The following SNTG1 variants were observed in gnomAD, a reference collection of about 807,000 sequenced individuals.
SNTG1 encodes the protein gamma-1-syntrophin.
SNTG1 carries 39 observed loss-of-function variants against 74.7 expected under a neutral mutation model. That is an observed-to-expected ratio of 0.52 (90% confidence interval 0.40 to 0.68). The LOEUF (loss-of-function observed/expected upper bound fraction) is 0.68. Among genes scored for constraint, SNTG1 ranks in the 30% least tolerant of loss-of-function variants. The pLI, the probability that SNTG1 is intolerant of heterozygous loss-of-function variation, is 0.00. For missense variants in SNTG1, 685 were observed against 609.5 expected (o/e 1.12, Z -1.30); for synonymous variants, 254 against 217.1 (o/e 1.17, Z -1.49).
At position 50,381,598 on chromosome 8, in the gene SNTG1, A is replaced by G. The variant is rs1434591928; in HGVS notation, c.-27-12614A>G. Among the ~76,000 whole-genome samples the G allele has an allele frequency of 3.7e-3, 498 of 134,814 alleles. 8 individuals are homozygous for G. The highest frequency in any genetic ancestry group is 0.011 in the African/African-American group (394 of 37,080). The allele number at this position is 134,814 out of a possible 152,430, so 88.4% of individuals were successfully genotyped here. On this transcript the variant is annotated intron_variant, in intron 2 of 18. Coordinates refer to ENST00000642720, the MANE Select transcript of SNTG1 (RefSeq NM_018967.5). ...TGTGTGTGTGTGTGTGTGTGTATAT[A>G]TATATATATCTCCTATTAGTTATAT...
intron 1 of SNTG1, among the ~76,000 whole-genome samples, chr8:50,122,332 T>G (rs1341632235): frequency 2.1e-5 from 3 of 141,790 alleles, no homozygotes; most frequent in African/African-American, 7.7e-5. Flanking sequence ...CTTATGCACT[T>G]GGAGAGGGGA....
intron 8 of SNTG1, among the ~76,000 whole-genome samples, chr8:50,486,000 T>G (rs1168665465): frequency 6.6e-6 from 1 of 152,124 alleles, no homozygotes; most frequent in African/African-American, 2.4e-5. Flanking sequence ...GCGTTATTTC[T>G]GAGGGCTCTG....
Position 50,121,802 on chromosome 8 carries a change from A to G in SNTG1, c.-102-50759A>G, listed in dbSNP as rs760342794. 1.3e-4 allele frequency among the ~76,000 whole-genome samples: 18 copies of G among 142,392 alleles called. 3 individuals are homozygous for G. Among genetic ancestry groups the G allele is most frequent in the Non-Finnish European group, 2.2e-4 (14 of 63,918 alleles). 93.4% of individuals were successfully genotyped at this position (142,392 alleles called of 152,430 possible). On this transcript the variant is annotated intron_variant, in intron 1 of 18. Transcript: ENST00000642720. ...TTGGAGCCCAGGACTTCAAGGCCTC[A>G]TTGAGTTATGATAGCACCACTGCAC...
intron 18 of SNTG1, among the ~76,000 whole-genome samples, chr8:50,791,454 G>A (rs535707711): frequency 1.3e-5 from 2 of 151,696 alleles, no homozygotes; most frequent in South Asian, 4.2e-4. Context: ...TATATTATAG[G>A]GACACCTGAA....
chr8:50,728,198 G>A (rs141679917), intron 17 of SNTG1, among the ~76,000 whole-genome samples: 12 of 152,224 alleles, frequency 7.9e-5, no homozygotes, highest in African/African-American at 1.9e-4. Flanking sequence ...CACCTTGGGG[G>A]TGGTGTCCCC....
chr8:50,222,464 C>T (rs1464678371), intron 2 of SNTG1, among the ~76,000 whole-genome samples: 2 of 152,202 alleles, frequency 1.3e-5, no homozygotes, highest in African/African-American at 2.4e-5. Context: ...TCATGTCAAA[C>T]ATATCATTTT....
chr8:50,549,167 G>T (rs1481873774), intron 11 of SNTG1, among the ~76,000 whole-genome samples: 2 of 152,124 alleles, frequency 1.3e-5, no homozygotes, highest in East Asian at 3.9e-4. Context: ...AAAATAACTT[G>T]AAAAAGCTCC....
At chr8:50,211,581 G>T (rs559380712) in intron 2 of SNTG1, among the ~76,000 whole-genome samples, 2 of 152,052 alleles carry the variant, frequency 1.3e-5, no homozygotes, top group East Asian at 3.9e-4. Flanking sequence ...AAGCCAACAT[G>T]GATTTGATTC....
intron 1 of SNTG1, among the ~76,000 whole-genome samples, chr8:50,073,507 T>G (rs1185787725): frequency 6.6e-6 from 1 of 152,198 alleles, no homozygotes; most frequent in East Asian, 1.9e-4. Context: ...CTGACATTGT[T>G]GAAATTTTGA....
At chr8:50,209,608 A>G (rs567084202) in intron 2 of SNTG1, among the ~76,000 whole-genome samples, 1 of 152,364 alleles carries the variant, frequency 6.6e-6, no homozygotes, top group East Asian at 1.9e-4. Context: ...CCAGGCAAAC[A>G]GAGTCTGGAG....
In SNTG1 at chr8:50,605,519, C is replaced by T. The variant is rs575748663; in HGVS notation, c.849+14602C>T. Among the ~76,000 whole-genome samples the T allele has an allele frequency of 2.6e-5, 4 of 152,204 alleles. No homozygotes were observed. The South Asian group carries it at 8.3e-4, about 32-fold the overall frequency. On this transcript the variant is annotated intron_variant, in intron 13 of 18. Coordinates refer to ENST00000642720, the MANE Select transcript of SNTG1 (RefSeq NM_018967.5). ...GTCTTTGGTCTTTATTGTGACAGTGCAGCAAAACAGTTCAATGGCAAGCCC... is the reference window on the plus strand; with the variant it reads ...GTCTTTGGTCTTTATTGTGACAGTGTAGCAAAACAGTTCAATGGCAAGCCC...
rs1468008463 is a variant in SNTG1, at chr8:50,232,464, GA to G, written c.-28+59834del. Among the ~76,000 whole-genome samples, 9 of 151,448 alleles carry G rather than the reference GA, an allele frequency of 5.9e-5. No homozygotes were observed. In the East Asian group the frequency reaches 1.7e-3, roughly 29 times the overall value. ...TAAAGAGGATCTATAAAGAAAAATAGAAAAACTACAGCTAACTTCATACATA... is the reference window on the plus strand; with the variant it reads ...TAAAGAGGATCTATAAAGAAAAATAGAAAACTACAGCTAACTTCATACATA... On this transcript the variant is annotated intron_variant, in intron 2 of 18. Coordinates refer to ENST00000642720, the MANE Select transcript of SNTG1 (RefSeq NM_018967.5).
At chr8:50,042,423 G>A (rs986977848) in intron 1 of SNTG1, among the ~76,000 whole-genome samples, 10 of 152,256 alleles carry the variant, frequency 6.6e-5, no homozygotes, top group African/African-American at 1.4e-4. Flanking sequence ...AAACTTCCGC[G>A]GGCTGGGAGC....
chr8:50,640,247 C>T lies in SNTG1; in HGVS notation c.850-16662C>T, dbSNP rs76287370. Among the ~76,000 whole-genome samples, 24 of 152,184 alleles carry T rather than the reference C, an allele frequency of 1.6e-4. No homozygotes were observed. The East Asian group carries it at 4.4e-3, about 28-fold the overall frequency. On this transcript the variant is annotated intron_variant, in intron 13 of 18. Transcript: ENST00000642720. ...TTTCTTGATTTCCTCTATTTATACC[C>T]CAGGCTGTTTTCTTCCCTCCCCACT...
intron 4 of SNTG1, among the ~76,000 whole-genome samples, chr8:50,409,685 C>T (rs2092923099): frequency 6.6e-6 from 1 of 152,222 alleles, no homozygotes; most frequent in African/African-American, 2.4e-5. Flanking sequence ...TCAGAGATAT[C>T]TGTGGCTGTT....
At chr8:50,381,074 A>G (rs949040709) in intron 2 of SNTG1, 2 of 152,284 alleles carry the variant, frequency 1.3e-5, no homozygotes, top group South Asian at 4.1e-4. Context: ...TGGATCAAAG[A>G]TGAGGTAGGG....
At chr8:50,415,220 G>T (rs2092999737) in intron 4 of SNTG1, among the ~76,000 whole-genome samples, 1 of 152,108 alleles carries the variant, frequency 6.6e-6, no homozygotes, top group Non-Finnish European at 1.5e-5. Context: ...GAAAATGGCA[G>T]TAATGTAAAG....
chr8:50,331,651 G>T (rs2090970707), intron 2 of SNTG1, among the ~76,000 whole-genome samples: 1 of 152,112 alleles, frequency 6.6e-6, no homozygotes, highest in Non-Finnish European at 1.5e-5. Flanking sequence ...TGAATGATGT[G>T]GTTAAGAGAA....
At chr8:50,066,904 G>T (rs1241162860) in intron 1 of SNTG1, among the ~76,000 whole-genome samples, 2 of 152,126 alleles carry the variant, frequency 1.3e-5, no homozygotes, top group Non-Finnish European at 2.9e-5. Context: ...AAACAGTAAA[G>T]AAAATATTGT....
Sources: gnomAD v4.1 joint callset for allele counts (sites outside exome capture counted in the v4.1 genomes callset) on GRCh38, gnomAD v4.1.1 for gene constraint, MANE v1.5 for transcripts, NCBI Gene and HGNC (gene_info 2026-07-23, HGNC 2026-07-21) for gene names.